Variants in ALPK2 observed in about 807,000 individuals in gnomAD.
The protein encoded by ALPK2 is alpha kinase 2.
ALPK2 carries 127 observed loss-of-function variants against 163.1 expected under a neutral mutation model. The observed-to-expected ratio is 0.78, with a 90% CI of 0.67 to 0.90. ALPK2 has a LOEUF of 0.90. ALPK2 is among the 40% of genes least tolerant of loss of function. ALPK2 has a pLI of 0.00. For missense variants in ALPK2, 2,360 were observed against 2,589.6 expected (o/e 0.91, Z 1.92); for synonymous variants, 953 against 959.1 (o/e 0.99, Z 0.12).
intron 4 of ALPK2, among the ~76,000 whole-genome samples, chr18:58,574,968 C>A (rs1444090984): frequency 1.3e-5 from 2 of 152,124 alleles, no homozygotes; most frequent in Non-Finnish European, 2.9e-5. Flanking sequence ...AATCCCAGCA[C>A]TTTGGGAGGC....
intron 3 of ALPK2, among the ~76,000 whole-genome samples, chr18:58,598,555 G>A (rs1010479141): frequency 1.3e-5 from 2 of 152,146 alleles, no homozygotes; most frequent in Admixed American, 6.5e-5. Context: ...GAAATAGGCT[G>A]GGCTGGTCAG....
At chr18:58,580,647 T>C in intron 3 of ALPK2, 99 bp from the exon 4 acceptor site, 1 of 1,134,782 alleles carries the variant, frequency 8.8e-7, no homozygotes, top group South Asian at 1.5e-5. Flanking sequence ...ATCATTTTAC[T>C]GCATGTTCAA....
At chr18:58,622,933 G>A (rs2034175706) in intron 1 of ALPK2, among the ~76,000 whole-genome samples, 1 of 152,150 alleles carries the variant, frequency 6.6e-6, no homozygotes, top group African/African-American at 2.4e-5. Flanking sequence ...GACAATATAG[G>A]GGAGAACCTG....
At position 58,535,869 on chromosome 18, in the gene ALPK2, T is replaced by G. The variant is rs1411808585; in HGVS notation, c.4318A>C (p.Asn1440His). The G allele has an allele frequency of 6.2e-7, 1 of 1,614,226 alleles. No individual in the cohort carries two copies. The highest frequency in any genetic ancestry group is 1.1e-5 in the South Asian group (1 of 91,086). Residue 1440 changes from asparagine (N) to histidine (H), a missense_variant, in exon 5 of 13, where the codon AAC (asparagine) becomes CAC (histidine). Physicochemically the swap from Asn to His is moderately conservative, Grantham distance 68. Coordinates refer to ENST00000361673, the MANE Select transcript of ALPK2 (RefSeq NM_052947.4). ...AREGGQSNDG[N>H]MGHEAEIQPA... Reference sequence around the variant, plus strand: ...TGGATTTCCGCTTCGTGGCCCATGTTTCCGTCATTTGATTGACCCCCTTCT... The same window carrying G: ...TGGATTTCCGCTTCGTGGCCCATGTGTCCGTCATTTGATTGACCCCCTTCT...
chr18:58,536,559 T>C lies in ALPK2; in HGVS notation c.3628A>G (p.Asn1210Asp). Residue 1210 changes from asparagine to aspartate, a missense_variant, in exon 5 of 13, where the codon AAC (asparagine) becomes GAC (aspartate). Transcript: ENST00000361673. ...AGEEDSQALS[N>D]VPSLSDILLE... ...AGGATATCAGAGAGAGATGGAACGT[T>C]GCTCAGAGCCTGACTGTCTTCTTCC... is the stretch of plus-strand genomic sequence containing the variant. The C allele has an allele frequency of 6.2e-7, 1 of 1,614,038 alleles. No individual in the cohort carries two copies. Among genetic ancestry groups the C allele is most frequent in the Non-Finnish European group, 8.5e-7 (1 of 1,180,028 alleles).
rs140442422 is a variant in ALPK2, at chr18:58,536,720, C to G, written c.3467G>C (p.Ser1156Thr). Residue 1156 changes from serine (S) to threonine (T), a missense_variant, in exon 5 of 13, where the codon AGT (serine) becomes ACT (threonine). Ser to Thr is a moderately conservative substitution (Grantham distance 58). Transcript: ENST00000361673. ...TTGTGCAGCAGATGTCGTAGGCAAA[C>G]TTTGTTGGAAATCAGGTGCAGAAAG... ...GSLSAPDFQQSLPTTSAAQEE... is the reference protein window; with the variant it reads ...GSLSAPDFQQTLPTTSAAQEE... The G allele has an allele frequency of 1.1e-4, 182 of 1,614,190 alleles. No homozygotes were observed. In the African/African-American group the frequency reaches 2.2e-3, roughly 19 times the overall value.
chr18:58,593,563 C>CAA (rs34460316), intron 3 of ALPK2, among the ~76,000 whole-genome samples: 1,125 of 50,466 alleles, frequency 0.022, 27 homozygotes, highest in East Asian at 0.095. Flanking sequence ...GACTCTGTCT[C>CAA]AAAAAAAAAA....
At chr18:58,516,414 A>G (rs1177123733) in intron 9 of ALPK2, among the ~76,000 whole-genome samples, 1 of 152,216 alleles carries the variant, frequency 6.6e-6, no homozygotes, top group Admixed American at 6.5e-5. Context: ...ATACACTACC[A>G]TTAAACCAAA....
intron 4 of ALPK2, among the ~76,000 whole-genome samples, chr18:58,548,013 T>C (rs940467822): frequency 3.3e-5 from 5 of 152,220 alleles, no homozygotes; most frequent in African/African-American, 1.2e-4. Flanking sequence ...ATTACCACAC[T>C]GCAATGACAA....
intron 4 of ALPK2, among the ~76,000 whole-genome samples, chr18:58,570,685 G>A (rs996022215): frequency 1.1e-4 from 17 of 152,218 alleles, no homozygotes; most frequent in Admixed American, 3.9e-4. Flanking sequence ...TCTCACCCCC[G>A]GCTTTCTGTT....
intron 5 of ALPK2, among the ~76,000 whole-genome samples, chr18:58,532,443 G>A (rs2051621090): frequency 6.6e-6 from 1 of 152,190 alleles, no homozygotes; most frequent in African/African-American, 2.4e-5. Context: ...CCATTTACCT[G>A]CTGACTCAAG....
intron 12 of ALPK2, among the ~76,000 whole-genome samples, chr18:58,496,998 C>G (rs1196990103): frequency 6.6e-6 from 1 of 152,216 alleles, no homozygotes; most frequent in Non-Finnish European, 1.5e-5. Context: ...GTCAAATTAG[C>G]CAATCCTAGG....
intron 12 of ALPK2, among the ~76,000 whole-genome samples, chr18:58,488,473 T>C (rs1266765535): frequency 2.2e-5 from 3 of 134,194 alleles, no homozygotes; most frequent in Non-Finnish European, 4.8e-5. Context: ...TGCTGGACAA[T>C]GTATTGGCTC....
intron 10 of ALPK2, among the ~76,000 whole-genome samples, chr18:58,504,585 T>A (rs1314118477): frequency 5.3e-5 from 8 of 152,200 alleles, no homozygotes; most frequent in Non-Finnish European, 1.0e-4. Context: ...ATTTATTCAG[T>A]GGCCTGTATG....
intron 2 of ALPK2, 79 bp from the exon 3 acceptor site, chr18:58,607,518 C>T (rs1211712334): frequency 1.1e-5 from 10 of 870,026 alleles, no homozygotes; most frequent in African/African-American, 1.7e-5. Flanking sequence ...AAGCTATGAA[C>T]AAGGATGGAC....
At chr18:58,510,838 C>A (rs2051486466) in intron 10 of ALPK2, among the ~76,000 whole-genome samples, 1 of 152,200 alleles carries the variant, frequency 6.6e-6, no homozygotes, top group South Asian at 2.1e-4. Flanking sequence ...CAAACAGGGA[C>A]AATTTGACTT....
intron 3 of ALPK2, among the ~76,000 whole-genome samples, chr18:58,602,784 A>G (rs955221820): frequency 2.0e-5 from 3 of 152,184 alleles, no homozygotes; most frequent in Non-Finnish European, 4.4e-5. Context: ...ACAGGTCACG[A>G]AGACCCTGCT....
At chr18:58,615,761 G>A (rs1483829903) in intron 1 of ALPK2, among the ~76,000 whole-genome samples, 1 of 152,236 alleles carries the variant, frequency 6.6e-6, no homozygotes, top group African/African-American at 2.4e-5. Context: ...TATGGATGGA[G>A]AAGGAGGAAA....
At chr18:58,524,258 AAC>A (rs370227179) in intron 6 of ALPK2, among the ~76,000 whole-genome samples, 196 bp from the exon 7 acceptor site, 165 of 152,376 alleles carry the variant, frequency 1.1e-3, no homozygotes, top group African/African-American at 3.8e-3. Context: ...CATTTTGGCT[AAC>A]ACGCTCACTC....
Sources: gnomAD v4.1 joint callset for allele counts (sites outside exome capture counted in the v4.1 genomes callset) on GRCh38, gnomAD v4.1.1 for gene constraint, MANE v1.5 for transcripts, NCBI Gene and HGNC (gene_info 2026-07-23, HGNC 2026-07-21) for gene names.